MRPL47: variants seen among roughly 807,000 people sequenced by gnomAD.
The protein encoded by MRPL47 is large ribosomal subunit protein uL29m.
A neutral mutation model predicts 34.0 loss-of-function variants in MRPL47; 31 were observed. The ratio of observed to expected loss-of-function variants is 0.91; its 90% CI spans 0.68 to 1.23. The LOEUF is 1.23. Ranked by LOEUF, MRPL47 falls within the 50% of genes most tolerant of loss-of-function variation. MRPL47 has a pLI of 0.00. For synonymous variants in MRPL47, 106 were observed against 101.6 expected (o/e 1.04, Z -0.26); for missense variants, 328 against 285.8 (o/e 1.15, Z -1.07).
At chr3:179,601,689 G>A (rs776656873) in intron 3 of MRPL47, 41 bp downstream of exon 3, 6 of 1,225,968 alleles carry the variant, frequency 4.9e-6, no homozygotes, top group Middle Eastern at 1.9e-4. Flanking sequence ...ACACTATAAC[G>A]GCTTCAAACG....
At chr3:179,603,562 C>A (rs188836316) in intron 1 of MRPL47, among the ~76,000 whole-genome samples, 8 of 152,104 alleles carry the variant, frequency 5.3e-5, no homozygotes, top group Admixed American at 3.3e-4. Flanking sequence ...AAAAAAACCT[C>A]ACAATTTTGC....
In MRPL47 at chr3:179,601,688, C is replaced by T. The variant is rs183981410; in HGVS notation, c.305+42G>A. 89 of 1,220,414 alleles carry T rather than the reference C, an allele frequency of 7.3e-5. No individual in the cohort carries two copies. The South Asian group carries it at 9.5e-4, about 13-fold the overall frequency. 75.6% of individuals were successfully genotyped at this position (1,220,414 alleles called of 1,614,324 possible). On this transcript the variant is annotated intron_variant, in intron 3 of 6. Coordinates refer to ENST00000476781, the MANE Select transcript of MRPL47 (RefSeq NM_020409.3). ...TTTTCACCTCATTGTTACACTATAACGGCTTCAAACGTCTAGATGTTAATG... is the reference window on the plus strand; with the variant it reads ...TTTTCACCTCATTGTTACACTATAATGGCTTCAAACGTCTAGATGTTAATG...
intron 4 of MRPL47, among the ~76,000 whole-genome samples, chr3:179,598,396 T>TCACACACACA (rs1718839618): frequency 3.1e-5 from 1 of 32,542 alleles, no homozygotes; most frequent in African/African-American, 1.6e-4. Context: ...CCTGACACAC[T>TCACACACACA]GACACACACA....
chr3:179,599,958 T>C (rs1283631932), intron 3 of MRPL47, among the ~76,000 whole-genome samples: 1 of 151,844 alleles, frequency 6.6e-6, no homozygotes, highest in Non-Finnish European at 1.5e-5. Flanking sequence ...AAACCCCGTC[T>C]CTACTAAAAT....
chr3:179,593,940 C>A (rs967736125), intron 4 of MRPL47, 45 bp from the exon 5 acceptor site: 12 of 1,557,132 alleles, frequency 7.7e-6, no homozygotes, highest in Middle Eastern at 1.8e-4. Flanking sequence ...TCATCTACTA[C>A]AAAATTCCCA....
chr3:179,602,172 C>T (rs1378704117), intron 2 of MRPL47, among the ~76,000 whole-genome samples: 2 of 152,098 alleles, frequency 1.3e-5, no homozygotes, highest in African/African-American at 4.8e-5. Flanking sequence ...TGGCGAAATC[C>T]TGTCTCTACT....
rs1170151793 is a variant in MRPL47 at position 179,590,337 on chromosome 3, C to CA, written c.630-1343dup. Among the ~76,000 whole-genome samples the CA allele has an allele frequency of 8.4e-3, 973 of 116,176 alleles. 14 individuals are homozygous for CA. The highest frequency in any genetic ancestry group is 0.022 in the African/African-American group (688 of 31,266). The allele number at this position is 116,176 out of a possible 152,430, so 76.2% of individuals were successfully genotyped here. ...CTGGCAACAGAGCAAGACTCCATCT[C>CA]AAAAAAAAAAAAGAAAAAAAGTGAT... On this transcript the variant is annotated intron_variant, in intron 6 of 6. Coordinates refer to ENST00000476781, the MANE Select transcript of MRPL47 (RefSeq NM_020409.3).
At chr3:179,602,887 T>A in intron 1 of MRPL47, 90 bp from the exon 2 acceptor site, 3 of 1,081,026 alleles carry the variant, frequency 2.8e-6, no homozygotes, top group Non-Finnish European at 4.0e-6. Context: ...ATAATCATTT[T>A]GTCATCGATA....
intron 4 of MRPL47, among the ~76,000 whole-genome samples, chr3:179,596,067 T>C (rs532852430): frequency 8.4e-4 from 128 of 152,338 alleles, no homozygotes; most frequent in Non-Finnish European, 1.3e-3. Context: ...ATACTAATAC[T>C]CTGAAGAGAA....
At chr3:179,591,745 T>C (rs553777562) in intron 6 of MRPL47, among the ~76,000 whole-genome samples, 1 of 152,338 alleles carries the variant, frequency 6.6e-6, no homozygotes, top group South Asian at 2.1e-4. Context: ...ACAGTAGAAA[T>C]TTTTCCATTT....
At position 179,588,985 on chromosome 3, in the gene MRPL47, C is replaced by G; in HGVS notation, c.640G>C (p.Glu214Gln). 1 of 1,611,470 alleles carries G rather than the reference C, an allele frequency of 6.2e-7. No homozygotes were observed. Among genetic ancestry groups the G allele is most frequent in the Non-Finnish European group, 8.5e-7 (1 of 1,179,112 alleles). The stretch of plus-strand genomic sequence containing the variant: ...CGTGCTTTGATGCGGGCTCGTTTCT[C>G]ACGTTCCAGTCTAGAATAAAAAAAG... ...YVDHFLRLER[E>Q]KRARIKARKE... The change falls in exon 7 of 7, where the codon GAG (glutamate) becomes CAG (glutamine). Residue 214 changes from glutamate (E) to glutamine (Q), a missense_variant. Transcript: ENST00000476781.
At chr3:179,593,312 C>G (rs1001634194) in intron 5 of MRPL47, among the ~76,000 whole-genome samples, 3 of 152,222 alleles carry the variant, frequency 2.0e-5, no homozygotes, top group African/African-American at 7.2e-5. Context: ...GAAACTGGTT[C>G]ATGTGACATT....
At chr3:179,600,446 G>C (rs1265768643) in intron 3 of MRPL47, among the ~76,000 whole-genome samples, 1 of 152,168 alleles carries the variant, frequency 6.6e-6, no homozygotes, top group East Asian at 1.9e-4. Flanking sequence ...TTCAAGACTA[G>C]CCTGGCCAAT....
chr3:179,600,842 G>T (rs754567120), intron 3 of MRPL47, among the ~76,000 whole-genome samples: 33 of 152,054 alleles, frequency 2.2e-4, no homozygotes, highest in Admixed American at 5.9e-4. Flanking sequence ...CCAAATCACA[G>T]GTCTCATTAT....
chr3:179,595,873 G>C (rs567099959), intron 4 of MRPL47, among the ~76,000 whole-genome samples: 2 of 152,292 alleles, frequency 1.3e-5, no homozygotes, highest in East Asian at 3.9e-4. Context: ...GTGTTCCAGG[G>C]TAAGAGTATA....
intron 1 of MRPL47, among the ~76,000 whole-genome samples, chr3:179,603,661 G>A (rs1203605841): frequency 6.6e-6 from 1 of 152,084 alleles, no homozygotes; most frequent in African/African-American, 2.4e-5. Flanking sequence ...TTATAGATGG[G>A]AATTTATAAA....
rs751718671 is a variant in MRPL47, at chr3:179,593,821, A to G, written c.477T>C (p.Gly159=). The change falls in exon 5 of 7, where the codon GGT becomes GGC. Residue 159 remains glycine, a synonymous_variant. Transcript: ENST00000476781. ...AAGCACCAGGTCTAGCTCTTTCTTGACCAGTCTGAAGAAGCCTTAGGGCAT... is the reference window on the plus strand; with the variant it reads ...AAGCACCAGGTCTAGCTCTTTCTTGGCCAGTCTGAAGAAGCCTTAGGGCAT... ...REDALRLLQT[G]QERARPGAWR... The G allele has an allele frequency of 3.7e-6, 6 of 1,613,892 alleles. No homozygotes were observed. In the South Asian group the frequency reaches 4.4e-5, roughly 12 times the overall value.
At chr3:179,594,780 G>A (rs986637354) in intron 4 of MRPL47, among the ~76,000 whole-genome samples, 10 of 152,198 alleles carry the variant, frequency 6.6e-5, no homozygotes, top group Admixed American at 6.5e-5. Flanking sequence ...AACCGCACCC[G>A]GCCTTCTATT....
At chr3:179,598,642 G>A in intron 4 of MRPL47, 33 bp downstream of exon 4, 1 of 1,270,184 alleles carries the variant, frequency 7.9e-7, no homozygotes, top group South Asian at 1.2e-5. Flanking sequence ...CTGTAATCAT[G>A]TATACCAGTC....
Sources: allele counts gnomAD v4.1 joint callset (sites outside exome capture counted in the v4.1 genomes callset), GRCh38; gene constraint gnomAD v4.1.1; transcripts MANE v1.5; gene names NCBI Gene and HGNC (gene_info 2026-07-23, HGNC 2026-07-21).